Variants in TMPRSS9 observed in about 807,000 individuals in gnomAD.
The protein encoded by TMPRSS9 is transmembrane serine protease 9.
In TMPRSS9, 113 loss-of-function variants were observed where a neutral mutation model predicts 111.4. That is an observed-to-expected ratio of 1.01 (90% CI 0.87 to 1.19). The LOEUF (loss-of-function observed/expected upper bound fraction) is 1.19, where lower values mean the gene tolerates loss of function less well. Ranked by LOEUF, TMPRSS9 falls within the 50% of genes most tolerant of loss-of-function variation. The pLI is 0.00. For missense variants in TMPRSS9, 1,803 were observed against 1,513.1 expected (o/e 1.19, Z -3.18); for synonymous variants, 805 against 659.1 (o/e 1.22, Z -3.39).
At chr19:2,405,441 G>A in exon 7 of TMPRSS9, 5 of 1,608,244 alleles carry the variant, frequency 3.1e-6, no homozygotes, top group Non-Finnish European at 4.2e-6. Flanking sequence ...CATCCCCGGG[G>A]GAGTTTCCGT....
chr19:2,371,548 T>G (rs772314365), intron 1 of TMPRSS9, among the ~76,000 whole-genome samples: 1 of 151,554 alleles, frequency 6.6e-6, no homozygotes, highest in Non-Finnish European at 1.5e-5. Flanking sequence ...AAAAAAAAAT[T>G]TAGCTGGATG....
At chr19:2,424,622 C>T (rs1003118741) in intron 15 of TMPRSS9, among the ~76,000 whole-genome samples, 4 of 151,934 alleles carry the variant, frequency 2.6e-5, no homozygotes, top group Non-Finnish European at 4.4e-5. Context: ...TGGCTCCAGC[C>T]CCCCAAAGCC....
intron 4 of TMPRSS9, 76 bp from the exon 6 acceptor site, chr19:2,401,899 C>T (rs564092076): frequency 3.6e-5 from 50 of 1,393,920 alleles, no homozygotes; most frequent in African/African-American, 2.2e-4. Flanking sequence ...TGAGCCACCG[C>T]GCCCGGCCAA....
chr19:2,398,008 C>T (rs1427272546), intron 2 of TMPRSS9, among the ~76,000 whole-genome samples: 1 of 145,054 alleles, frequency 6.9e-6, no homozygotes, highest in Non-Finnish European at 1.5e-5. Context: ...CTCAGCCTCC[C>T]GAGTAGCTGG....
At chr19:2,420,296 G>A (rs1397022486) in intron 13 of TMPRSS9, among the ~76,000 whole-genome samples, 2 of 152,082 alleles carry the variant, frequency 1.3e-5, no homozygotes, top group African/African-American at 2.4e-5. Flanking sequence ...CAAGAATTTA[G>A]CCAGGCATGG....
At chr19:2,405,669 C>G (rs1008979657) in intron 7 of TMPRSS9, 124 bp downstream of exon 8, 3 of 993,794 alleles carry the variant, frequency 3.0e-6, no homozygotes, top group Non-Finnish European at 1.4e-6. Context: ...CTTTTCCTTT[C>G]TTTCTTGCTT....
In TMPRSS9 at chr19:2,408,465, TAC is replaced by T; in HGVS notation, c.954_955del (p.Tyr318Ter). 1 of 1,613,900 alleles carries T rather than the reference TAC, an allele frequency of 6.2e-7. No individual in the cohort carries two copies. Among genetic ancestry groups the T allele is most frequent in the Non-Finnish European group, 8.5e-7 (1 of 1,179,992 alleles). On this transcript the variant is annotated frameshift_variant, in exon 8 of 18. Coordinates refer to ENST00000648592, the Ensembl canonical transcript of TMPRSS9. LOFTEE classifies it high-confidence loss of function. Reference sequence around the variant, plus strand: ...GGTCCAGATCGTCAAGCACCCCCTGTACAACGCGGACACGGCCGACTTTGACG... The same window carrying T: ...GGTCCAGATCGTCAAGCACCCCCTGTAACGCGGACACGGCCGACTTTGACG...
At chr19:2,404,938 A>G (rs1385249208) in intron 6 of TMPRSS9, among the ~76,000 whole-genome samples, 1 of 151,946 alleles carries the variant, frequency 6.6e-6, no homozygotes, top group African/African-American at 2.4e-5. Flanking sequence ...TCTCAAAAAA[A>G]AAAAAAAAAA....
intron 13 of TMPRSS9, among the ~76,000 whole-genome samples, 169 bp from the exon 15 acceptor site, chr19:2,421,685 G>T (rs7245759): frequency 0.2 from 30,970 of 152,150 alleles, 3,331 homozygotes; most frequent in African/African-American, 0.24. Flanking sequence ...ACTCACTCCA[G>T]GTCACACAGC....
intron 1 of TMPRSS9, among the ~76,000 whole-genome samples, chr19:2,394,504 A>G (rs760230721): frequency 1.3e-5 from 2 of 152,196 alleles, no homozygotes; most frequent in Non-Finnish European, 1.5e-5. Context: ...TATTTCTGCA[A>G]CTTCCTGAAT....
At chr19:2,368,001 A>G (rs1970261087) in intron 1 of TMPRSS9, among the ~76,000 whole-genome samples, 1 of 152,192 alleles carries the variant, frequency 6.6e-6, no homozygotes. Flanking sequence ...ATGAGCCACC[A>G]TGCCTGGCTT....
At chr19:2,416,751 G>A in exon 12 of TMPRSS9, 1 of 1,612,974 alleles carries the variant, frequency 6.2e-7, no homozygotes, top group Non-Finnish European at 8.5e-7. Flanking sequence ...CCATCCAGAA[G>A]TTCCCTGTGG....
chr19:2,410,431 G>T (rs1244267027), intron 9 of TMPRSS9, 37 bp downstream of exon 10: 2 of 1,609,794 alleles, frequency 1.2e-6, no homozygotes, highest in Non-Finnish European at 1.7e-6. Context: ...GAAAAACACA[G>T]AAATAGACAC....
At chr19:2,405,481 C>A in exon 7 of TMPRSS9, 1 of 1,608,088 alleles carries the variant, frequency 6.2e-7, no homozygotes, top group Non-Finnish European at 8.5e-7. Context: ...GAACAAGGAG[C>A]ACTTCTGTGG....
chr19:2,385,154 C>CGCAGGGG (rs1970449660), upstream of TMPRSS9, among the ~76,000 whole-genome samples: 1 of 84,234 alleles, frequency 1.2e-5, no homozygotes, highest in African/African-American at 7.5e-5. Flanking sequence ...GGGCGGAGCT[C>CGCAGGGG]GCGGAGGGCG....
chr19:2,389,470 A>G (rs1264468262), upstream of TMPRSS9, among the ~76,000 whole-genome samples: 1 of 150,866 alleles, frequency 6.6e-6, no homozygotes, highest in Non-Finnish European at 1.5e-5. Context: ...CCCGGGTTCA[A>G]GCGATTCTCC....
chr19:2,361,544 T>C (rs1050827008), intron 1 of TMPRSS9, among the ~76,000 whole-genome samples: 1 of 152,074 alleles, frequency 6.6e-6, no homozygotes, highest in Non-Finnish European at 1.5e-5. Context: ...GGTATTTGCC[T>C]GAGGGAGGGT....
intron 1 of TMPRSS9, among the ~76,000 whole-genome samples, chr19:2,376,431 T>G (rs1335666307): frequency 6.6e-6 from 1 of 152,030 alleles, no homozygotes; most frequent in African/African-American, 2.4e-5. Context: ...TATTATTCTG[T>G]GGCCACAGGA....
At chr19:2,396,688 G>A in intron 2 of TMPRSS9, 22 bp downstream of exon 3, 2 of 1,591,046 alleles carry the variant, frequency 1.3e-6, no homozygotes, top group Non-Finnish European at 1.7e-6. Context: ...CTGTGTTTGG[G>A]GGCCAGGGAG....
Sources: gnomAD v4.1 joint callset for allele counts (sites outside exome capture counted in the v4.1 genomes callset) on GRCh38, gnomAD v4.1.1 for gene constraint, MANE v1.5 for transcripts, NCBI Gene and HGNC (gene_info 2026-07-23, HGNC 2026-07-21) for gene names.